Variants in EML4 observed in about 807,000 individuals in gnomAD.
EML4 encodes EMAP like 4.
EML4 carries 72 observed loss-of-function variants against 129.0 expected under a neutral mutation model. The observed-to-expected ratio is 0.56, with a 90% CI of 0.46 to 0.68. EML4 has a LOEUF of 0.68. Among genes scored for constraint, EML4 ranks in the 30% least tolerant of loss-of-function variants. The pLI, the probability that EML4 is intolerant of heterozygous loss-of-function variation, is 0.00. For synonymous variants in EML4, 532 were observed against 405.0 expected, an observed-to-expected ratio of 1.31 and a Z score of -3.77; for missense variants, 1,363 against 1,190.6, an observed-to-expected ratio of 1.14 and a Z score of -2.13.
intron 2 of EML4, among the ~76,000 whole-genome samples, chr2:42,255,987 C>T (rs1291701037): frequency 1.3e-5 from 2 of 152,196 alleles, no homozygotes; most frequent in African/African-American, 2.4e-5. Flanking sequence ...TCTGACCACA[C>T]TAATATACCA....
chr2:42,177,884 A>G (rs1670696828), intron 1 of EML4, among the ~76,000 whole-genome samples: 1 of 152,226 alleles, frequency 6.6e-6, no homozygotes, highest in Non-Finnish European at 1.5e-5. Context: ...ATATTGCTTC[A>G]TGGAACATTT....
intron 19 of EML4, among the ~76,000 whole-genome samples, chr2:42,324,904 T>C (rs1211307542): frequency 6.6e-6 from 1 of 152,232 alleles, no homozygotes; most frequent in East Asian, 1.9e-4. Context: ...CATGATTTTA[T>C]TGAGACCTAC....
Position 42,303,373 on chromosome 2 carries a change from C to T in EML4, c.1826C>T (p.Thr609Ile). The T allele has an allele frequency of 6.2e-7, 1 of 1,614,112 alleles. No homozygotes were observed. The highest frequency in any genetic ancestry group is 1.1e-5 in the South Asian group (1 of 91,078). The change falls in exon 16 of 23, where the codon ACA becomes ATA. Residue 609 changes from threonine to isoleucine, a missense_variant. Transcript: ENST00000318522. ...ATHPFKDLLL[T>I]CAQDRQVCLW... ...CATCCCTTCAAAGATTTGCTCTTGA[C>T]ATGTGCTCAGGACAGGCAGGTGTGC... is the stretch of plus-strand genomic sequence containing the variant.
intron 6 of EML4, among the ~76,000 whole-genome samples, chr2:42,267,206 T>C (rs963395141): frequency 1.1e-4 from 17 of 152,200 alleles, no homozygotes; most frequent in Admixed American, 1.1e-3. Flanking sequence ...ACCTGACATA[T>C]AATACCAGGT....
intron 1 of EML4, among the ~76,000 whole-genome samples, chr2:42,186,825 T>G (rs1001306321): frequency 6.6e-6 from 1 of 152,138 alleles, no homozygotes; most frequent in Non-Finnish European, 1.5e-5. Flanking sequence ...CCTTTACATA[T>G]AATAAAATGA....
chr2:42,322,904 A>C (rs1669593272), intron 19 of EML4, among the ~76,000 whole-genome samples: 1 of 152,206 alleles, frequency 6.6e-6, no homozygotes, highest in Non-Finnish European at 1.5e-5. Flanking sequence ...TTCATTTCTA[A>C]ATATGAGTTA....
At chr2:42,268,247 A>G (rs1375876225) in intron 6 of EML4, among the ~76,000 whole-genome samples, 2 of 152,192 alleles carry the variant, frequency 1.3e-5, no homozygotes, top group African/African-American at 2.4e-5. Context: ...TTCCCTAAAC[A>G]ATACAATATA....
At chr2:42,235,114 G>A (rs1257615638) in intron 1 of EML4, among the ~76,000 whole-genome samples, 2 of 152,134 alleles carry the variant, frequency 1.3e-5, no homozygotes, top group African/African-American at 4.8e-5. Flanking sequence ...TGGCCAACAT[G>A]GTGAGATCCC....
intron 1 of EML4, 166 bp downstream of exon 1, chr2:42,169,802 AG>A: frequency 1.5e-6 from 1 of 666,058 alleles, no homozygotes; most frequent in Non-Finnish European, 2.3e-6. Context: ...CGGTGGACTG[AG>A]GGCCCCTCCC....
chr2:42,328,847 C>G (rs1669945605), intron 21 of EML4, 39 bp from the exon 22 acceptor site: 2 of 1,536,672 alleles, frequency 1.3e-6, no homozygotes, highest in Non-Finnish European at 1.8e-6. Flanking sequence ...TATATTTCTT[C>G]AGCTAATTTT....
chr2:42,247,662 G>GATTT (rs368933918), intron 2 of EML4, among the ~76,000 whole-genome samples: 2,889 of 151,932 alleles, frequency 0.019, 44 homozygotes, highest in African/African-American at 0.033. Context: ...TTGCTTGCTT[G>GATTT]ATTTATTTAT....
At chr2:42,245,353 C>T in intron 1 of EML4, 152 bp from the exon 2 acceptor site, 1 of 676,634 alleles carries the variant, frequency 1.5e-6, no homozygotes, top group Non-Finnish European at 2.4e-6. Flanking sequence ...CTCTTGGCCC[C>T]TCAAAGTTCT....
At chr2:42,327,482 T>C (rs1360248467) in intron 21 of EML4, among the ~76,000 whole-genome samples, 1 of 152,248 alleles carries the variant, frequency 6.6e-6, no homozygotes, top group Admixed American at 6.5e-5. Flanking sequence ...TTCTGGTTCC[T>C]CCATGTCCTT....
At chr2:42,208,094 A>G (rs1201785118) in intron 1 of EML4, 1 of 152,124 alleles carries the variant, frequency 6.6e-6, no homozygotes, top group Non-Finnish European at 1.5e-5. Context: ...TACAAATTAC[A>G]TTTGTTTACT....
At chr2:42,305,717 A>T (rs1668561726) in intron 17 of EML4, among the ~76,000 whole-genome samples, 1 of 152,204 alleles carries the variant, frequency 6.6e-6, no homozygotes, top group Non-Finnish European at 1.5e-5. Context: ...AAAAACATGA[A>T]GTCAATTTTC....
At chr2:42,205,929 C>G (rs1672513743) in intron 1 of EML4, among the ~76,000 whole-genome samples, 1 of 152,136 alleles carries the variant, frequency 6.6e-6, no homozygotes, top group African/African-American at 2.4e-5. Context: ...CTCTACCTAG[C>G]CTGTTTCTGC....
chr2:42,250,472 A>G (rs1675697751), intron 2 of EML4, among the ~76,000 whole-genome samples: 1 of 152,212 alleles, frequency 6.6e-6, no homozygotes. Context: ...TTACGCTAAA[A>G]TGACTAGTAA....
chr2:42,263,843 C>A (rs1665887628), intron 5 of EML4, among the ~76,000 whole-genome samples: 1 of 152,078 alleles, frequency 6.6e-6, no homozygotes, highest in Non-Finnish European at 1.5e-5. Flanking sequence ...GATTGTCCTG[C>A]CTTAGCCTCC....
chr2:42,231,004 T>C lies in EML4; in HGVS notation c.26-14501T>C, dbSNP rs1185507385. ...TCTTACATTTAAATAAAAACACCAC[T>C]GTCAGCTTTGCAGACACTCTCTTCA... On this transcript the variant is annotated intron_variant, in intron 1 of 22. Transcript: ENST00000318522. Among the ~76,000 whole-genome samples, 3 of 152,218 alleles carry C rather than the reference T, an allele frequency of 2.0e-5. 1 individual carries two copies. The highest frequency in any genetic ancestry group is 4.4e-5 in the Non-Finnish European group (3 of 68,040).
Sources: gnomAD v4.1 joint callset for allele counts (sites outside exome capture counted in the v4.1 genomes callset) on GRCh38, gnomAD v4.1.1 for gene constraint, MANE v1.5 for transcripts, NCBI Gene and HGNC (gene_info 2026-07-23, HGNC 2026-07-21) for gene names.